KCNN3: variants seen among roughly 807,000 people sequenced by gnomAD.
The protein encoded by KCNN3 is potassium calcium-activated channel subfamily N member 3.
In KCNN3, 16 loss-of-function variants were observed where a neutral mutation model predicts 62.9. The observed-to-expected ratio is 0.25, with a 90% CI of 0.17 to 0.39. The LOEUF is 0.39. Among genes scored for constraint, KCNN3 ranks in the 10% least tolerant of loss-of-function variants. The pLI is 1.00. For synonymous variants in KCNN3, 370 were observed against 389.2 expected (o/e 0.95, Z 0.58); for missense variants, 599 against 949.4 (o/e 0.63, Z 4.85).
chr1:154,843,211 T>C (rs1651908525), intron 1 of KCNN3, among the ~76,000 whole-genome samples: 2 of 152,024 alleles, frequency 1.3e-5, no homozygotes, highest in South Asian at 4.1e-4. Flanking sequence ...ATATGGTCCC[T>C]GCCCCTCCCA....
intron 3 of KCNN3, among the ~76,000 whole-genome samples, chr1:154,759,774 G>C (rs577927583): frequency 2.0e-5 from 3 of 152,190 alleles, no homozygotes; most frequent in Non-Finnish European, 2.9e-5. Flanking sequence ...CAGCAGAAGA[G>C]AGTGAAGGGA....
chr1:154,752,315 C>A (rs1211335464), intron 3 of KCNN3, among the ~76,000 whole-genome samples: 1 of 152,314 alleles, frequency 6.6e-6, no homozygotes, highest in East Asian at 1.9e-4. Flanking sequence ...CCATTAGCAC[C>A]ATCAGCTCAC....
At chr1:154,792,311 C>A (rs1326704973) in intron 2 of KCNN3, among the ~76,000 whole-genome samples, 1 of 152,212 alleles carries the variant, frequency 6.6e-6, no homozygotes, top group Non-Finnish European at 1.5e-5. Flanking sequence ...AGCCTTTCCA[C>A]CAGTGACAGA....
intron 3 of KCNN3, among the ~76,000 whole-genome samples, chr1:154,766,893 G>A (rs1038690487): frequency 6.6e-6 from 1 of 152,084 alleles, no homozygotes; most frequent in Non-Finnish European, 1.5e-5. Context: ...GTGTTAGCCA[G>A]GATGGTCTCG....
chr1:154,715,291 C>A (rs1239078696), intron 5 of KCNN3, among the ~76,000 whole-genome samples: 2 of 151,886 alleles, frequency 1.3e-5, no homozygotes, highest in African/African-American at 4.8e-5. Flanking sequence ...ACAAACTTAG[C>A]CAGGTATGGT....
chr1:154,858,478 C>A (rs1325774141), intron 1 of KCNN3, among the ~76,000 whole-genome samples: 1 of 152,220 alleles, frequency 6.6e-6, no homozygotes, highest in Non-Finnish European at 1.5e-5. Flanking sequence ...ATGGGGAAAG[C>A]CTGTGCTCTC....
Position 154,733,861 on chromosome 1 carries a change from G to C in KCNN3, c.1449-717C>G, listed in dbSNP as rs543109613. Among the ~76,000 whole-genome samples, 6 of 152,328 alleles carry C rather than the reference G, an allele frequency of 3.9e-5. No homozygotes were observed. In the East Asian group the frequency reaches 1.2e-3, roughly 29 times the overall value. On this transcript the variant is annotated intron_variant, in intron 3 of 7. Transcript: ENST00000271915. ...CAACACCAAGACCTGCTGCATGCCA[G>C]GCTCTGTGCCAAGTACTGAAATACA...
In KCNN3 at chr1:154,772,033, G is replaced by A; in HGVS notation, c.1390C>T (p.Leu464Phe). The A allele has an allele frequency of 6.2e-7, 1 of 1,614,198 alleles. No homozygotes were observed. Among genetic ancestry groups the A allele is most frequent in the South Asian group, 1.1e-5 (1 of 91,080 alleles). Residue 464 changes from leucine to phenylalanine, a missense_variant, in exon 3 of 8, where the codon CTC (leucine) becomes TTC (phenylalanine). Transcript: ENST00000271915. This position sits in a 1 kb window ranked among gnomAD's most constrained non-coding sequence, Gnocchi z 5.6. ...ATCCACAGAGAGATGCTGAACACGA[G>A]CAGCACAGTGCCAGGGCAGATGGTC... Reference protein sequence around the residue: ...LMTICPGTVLLVFSISLWIIA... With the variant: ...LMTICPGTVLFVFSISLWIIA...
chr1:154,731,634 T>A (rs1448664420), intron 4 of KCNN3, among the ~76,000 whole-genome samples: 1 of 152,212 alleles, frequency 6.6e-6, no homozygotes, highest in African/African-American at 2.4e-5. Flanking sequence ...GTCACTGCCC[T>A]TCCAGAAAGA....
chr1:154,788,921 C>T (rs1413374285), intron 2 of KCNN3, among the ~76,000 whole-genome samples: 1 of 152,198 alleles, frequency 6.6e-6, no homozygotes, highest in Non-Finnish European at 1.5e-5. Context: ...CAAGGTCACA[C>T]AGCTGGTAAG....
In KCNN3 at chr1:154,862,699, G is replaced by A. The variant is rs768901128; in HGVS notation, c.933+6333C>T. Among the ~76,000 whole-genome samples, 6 of 152,096 alleles carry A rather than the reference G, an allele frequency of 3.9e-5. No homozygotes were observed. Among genetic ancestry groups the A allele is most frequent in the African/African-American group, 4.8e-5 (2 of 41,498 alleles). On this transcript the variant is annotated intron_variant, in intron 1 of 7. Coordinates refer to ENST00000271915, the MANE Select transcript of KCNN3 (RefSeq NM_002249.6). This position sits in a 1 kb window ranked among gnomAD's most constrained non-coding sequence, Gnocchi z 4.1. ...GTCCACAATCTCACCCTGATCCCAG[G>A]CCAACCTGGGGTGCCCACACTTGCC...
intron 7 of KCNN3, among the ~76,000 whole-genome samples, chr1:154,710,907 A>T (rs1557936154): frequency 1.3e-5 from 2 of 152,228 alleles, no homozygotes; most frequent in Non-Finnish European, 2.9e-5. Flanking sequence ...ACTGTAAACT[A>T]GTTCAACCAT....
chr1:154,821,370 G>A (rs190866936), intron 2 of KCNN3, among the ~76,000 whole-genome samples: 34 of 152,300 alleles, frequency 2.2e-4, no homozygotes, highest in Admixed American at 1.7e-3. Context: ...CTGAAGGGCC[G>A]GGGGCTGGGG....
intron 3 of KCNN3, among the ~76,000 whole-genome samples, chr1:154,757,493 T>C (rs898714791): frequency 1.3e-5 from 2 of 152,112 alleles, no homozygotes; most frequent in African/African-American, 4.8e-5. Flanking sequence ...AAGTTAACAA[T>C]AGAGCATGGG....
rs1355000401 is a variant in KCNN3, at chr1:154,752,396, T to A, written c.1449-19252A>T. On this transcript the variant is annotated intron_variant, in intron 3 of 7. Transcript: ENST00000271915. ...CTGGGATCTTCAAGCACTGAGCAGA[T>A]GAAGGAAGGAAGGAGTGATGTTCAG... 2.8e-5 allele frequency among the ~76,000 whole-genome samples: 4 copies of A among 140,550 alleles called. No individual in the cohort carries two copies. In the East Asian group the frequency reaches 8.2e-4, roughly 29 times the overall value. 92.2% of individuals were successfully genotyped at this position (140,550 alleles called of 152,430 possible).
At chr1:154,810,903 A>C (rs1007663322) in intron 2 of KCNN3, among the ~76,000 whole-genome samples, 4 of 152,200 alleles carry the variant, frequency 2.6e-5, no homozygotes, top group African/African-American at 9.7e-5. Flanking sequence ...GAGATGGTCA[A>C]CTCAAACAGT....
chr1:154,823,308 G>A (rs973469241), intron 1 of KCNN3, among the ~76,000 whole-genome samples: 1 of 152,298 alleles, frequency 6.6e-6, no homozygotes, highest in South Asian at 2.1e-4. Context: ...AGCAGTGACT[G>A]TGTGTATGGC....
At chr1:154,720,932 G>A (rs919813644) in intron 5 of KCNN3, among the ~76,000 whole-genome samples, 38 of 152,306 alleles carry the variant, frequency 2.5e-4, no homozygotes, top group African/African-American at 7.2e-4. Context: ...TCAGACCCTC[G>A]TGGGGTCCAG....
rs1700198077 is a variant in KCNN3 at position 154,714,756 on chromosome 1, T to G, written c.1829+120A>C. The G allele has an allele frequency of 2.9e-6, 4 of 1,387,250 alleles. No individual in the cohort carries two copies. In the African/African-American group the frequency reaches 5.7e-5, roughly 20 times the overall value. 85.9% of individuals were successfully genotyped at this position (1,387,250 alleles called of 1,614,324 possible). On this transcript the variant is annotated intron_variant, in intron 6 of 7. Transcript: ENST00000271915. ...CAGTCAGTGAGTGATCAGACCCAGT[T>G]CACCACTCCACTTGTTGAGTGGAAC...
Sources: gnomAD v4.1 joint callset for allele counts (sites outside exome capture counted in the v4.1 genomes callset) on GRCh38, gnomAD v4.1.1 for gene constraint, Gnocchi (gnomAD v3.1) non-coding constraint, MANE v1.5 for transcripts, NCBI Gene and HGNC (gene_info 2026-07-23, HGNC 2026-07-21) for gene names.